FRS2: variants seen among roughly 807,000 people sequenced by gnomAD.
The protein encoded by FRS2 is FGFR signalling adaptor.
In FRS2, 8 loss-of-function variants were observed where a neutral mutation model predicts 43.9. The ratio of observed to expected loss-of-function variants is 0.18; its 90% CI spans 0.11 to 0.33. FRS2 has a LOEUF of 0.33. Ranked by LOEUF, FRS2 falls within the 10% of genes least tolerant of loss-of-function variation. The pLI is 1.00. For synonymous variants in FRS2, 219 were observed against 220.3 expected (o/e 0.99, Z 0.05); for missense variants, 534 against 627.6 (o/e 0.85, Z 1.59).
In FRS2 at chr12:69,570,467, A is replaced by G; in HGVS notation, c.203A>G (p.Asp68Gly). 1 of 1,613,280 alleles carries G rather than the reference A, an allele frequency of 6.2e-7. No homozygotes were observed. The highest frequency in any genetic ancestry group is 8.5e-7 in the Non-Finnish European group (1 of 1,179,224). Residue 68 changes from aspartate to glycine, a missense_variant, in exon 6 of 9, where the codon GAC (aspartate) becomes GGC (glycine). Coordinates refer to ENST00000549921, the MANE Select transcript of FRS2 (RefSeq NM_001278356.2). ...CTCTGCCTGCGACGCTATGGCTATG[A>G]CTCGAATCTCTTTTCTTTTGAAAGT... ...HYLCLRRYGY[D>G]SNLFSFESGR...
chr12:69,570,525 CTTTG>C lies in FRS2; in HGVS notation c.253+12_253+15del. On this transcript the variant is annotated intron_variant, in intron 6 of 8. Transcript: ENST00000549921. ...GGTGTCAAACTGGACAAGGTAGAAC[CTTTG>C]TTTTTTTTCCCAAATATTGTATTTG... 1 of 1,562,650 alleles carries C rather than the reference CTTTG, an allele frequency of 6.4e-7. No homozygotes were observed.
chr12:69,488,421 G>T (rs569240521), intron 1 of FRS2, among the ~76,000 whole-genome samples: 1 of 152,136 alleles, frequency 6.6e-6, no homozygotes, highest in Non-Finnish European at 1.5e-5. Context: ...TAGTAATAAA[G>T]TATTTTAAAA....
At chr12:69,538,854 G>A (rs140869664) in intron 3 of FRS2, among the ~76,000 whole-genome samples, 176 of 151,872 alleles carry the variant, frequency 1.2e-3, no homozygotes, top group African/African-American at 3.9e-3. Flanking sequence ...CTTCATAGTC[G>A]TAGTCTATTC....
chr12:69,496,174 C>T (rs749487664), intron 1 of FRS2, among the ~76,000 whole-genome samples: 11 of 152,062 alleles, frequency 7.2e-5, no homozygotes, highest in Non-Finnish European at 1.0e-4. Context: ...TGGGGGCTCA[C>T]GCCTGTAATC....
chr12:69,574,750 T>C lies in FRS2; in HGVS notation c.1322T>C (p.Leu441Ser), dbSNP rs937809321. 1 of 1,614,162 alleles carries C rather than the reference T, an allele frequency of 6.2e-7. No individual in the cohort carries two copies. The stretch of plus-strand genomic sequence containing the variant: ...CAGCTTAATTACATACAGGTTGACT[T>C]GGAAGGTGGCAGTGACTCTGACAAC... ...HRQLNYIQVD[L>S]EGGSDSDNPQ... The change falls in exon 9 of 9, where the codon TTG becomes TCG. Residue 441 changes from leucine (L) to serine (S), a missense_variant. Physicochemically the swap from Leu to Ser is moderately radical, Grantham distance 145. This residue lies in a region of FRS2 where 446 missense variants were observed against 494.2 expected (regional missense o/e 0.90). Transcript: ENST00000549921.
At chr12:69,524,339 T>A (rs551162481) in intron 1 of FRS2, among the ~76,000 whole-genome samples, 24 of 150,734 alleles carry the variant, frequency 1.6e-4, no homozygotes, top group African/African-American at 5.4e-4. Context: ...GCTGGCAAAG[T>A]GATGTGAGGG....
At chr12:69,557,594 T>TTGTGTGTGTGTGCGTGTGTG (rs796386936) in intron 3 of FRS2, among the ~76,000 whole-genome samples, 10 of 137,078 alleles carry the variant, frequency 7.3e-5, no homozygotes, top group African/African-American at 2.5e-4. Flanking sequence ...TGAAGGTTGA[T>TTGTGTGTGTGTGCGTGTGTG]TGTGTGTGTG....
intron 1 of FRS2, among the ~76,000 whole-genome samples, chr12:69,472,894 T>A (rs1171848488): frequency 1.3e-5 from 2 of 152,248 alleles, no homozygotes. Context: ...AAAAGCGCTA[T>A]ACTAGGCATT....
intron 1 of FRS2, among the ~76,000 whole-genome samples, chr12:69,494,506 C>T (rs1174876543): frequency 6.6e-6 from 1 of 152,194 alleles, no homozygotes; most frequent in Admixed American, 6.5e-5. Context: ...TAACTCAGTT[C>T]TTTCTTTTAA....
intron 3 of FRS2, among the ~76,000 whole-genome samples, chr12:69,540,197 G>C (rs1877753829): frequency 6.6e-6 from 1 of 151,874 alleles, no homozygotes; most frequent in Admixed American, 6.6e-5. Flanking sequence ...AGCTTGCAGT[G>C]AGCCGAGATG....
chr12:69,544,661 C>G (rs1008026121), intron 3 of FRS2, among the ~76,000 whole-genome samples: 37 of 152,004 alleles, frequency 2.4e-4, no homozygotes, highest in African/African-American at 8.7e-4. Context: ...GAGCCGAGAT[C>G]ATGCCACTGC....
chr12:69,514,355 T>G (rs1874766872), intron 1 of FRS2, among the ~76,000 whole-genome samples: 1 of 152,152 alleles, frequency 6.6e-6, no homozygotes, highest in Non-Finnish European at 1.5e-5. Context: ...CTCTAAATGC[T>G]GCCACCTCTG....
intron 3 of FRS2, among the ~76,000 whole-genome samples, chr12:69,557,593 A>ATT (rs146761960): frequency 0.4 from 46,700 of 115,328 alleles, 8,109 homozygotes; most frequent in African/African-American, 0.52. Context: ...CTGAAGGTTG[A>ATT]TTGTGTGTGT....
At chr12:69,518,992 G>A (rs1338270338) in intron 1 of FRS2, among the ~76,000 whole-genome samples, 4 of 122,156 alleles carry the variant, frequency 3.3e-5, no homozygotes, top group Admixed American at 8.9e-5. Context: ...ACAAAACTCC[G>A]TCTCAAAAAA....
At chr12:69,528,519 G>T (rs1049789858) in intron 1 of FRS2, among the ~76,000 whole-genome samples, 1 of 152,022 alleles carries the variant, frequency 6.6e-6, no homozygotes, top group African/African-American at 2.4e-5. Context: ...TAGAGTTATG[G>T]TACAGATGAT....
intron 3 of FRS2, among the ~76,000 whole-genome samples, chr12:69,551,347 T>C (rs1319062144): frequency 6.7e-6 from 1 of 150,044 alleles, no homozygotes; most frequent in Non-Finnish European, 1.5e-5. Flanking sequence ...AGCGAGACCC[T>C]GTCTCAAAAC....
intron 3 of FRS2, among the ~76,000 whole-genome samples, chr12:69,549,478 A>G (rs1878687725): frequency 6.6e-6 from 1 of 152,140 alleles, no homozygotes; most frequent in African/African-American, 2.4e-5. Context: ...TGTTGTGGTT[A>G]ATTTTGCGTA....
intron 3 of FRS2, among the ~76,000 whole-genome samples, chr12:69,548,422 ATTAATC>A (rs1399078804): frequency 1.3e-5 from 2 of 152,216 alleles, no homozygotes; most frequent in East Asian, 3.8e-4. Flanking sequence ...ATTTTTGGAT[ATTAATC>A]TTAATGAAAT....
At chr12:69,502,651 G>A (rs997167266) in intron 1 of FRS2, among the ~76,000 whole-genome samples, 39 of 152,110 alleles carry the variant, frequency 2.6e-4, no homozygotes, top group African/African-American at 8.7e-4. Context: ...ATCTCTGTAC[G>A]GATGGAGCTT....
Sources: allele counts gnomAD v4.1 joint callset (sites outside exome capture counted in the v4.1 genomes callset), GRCh38; gene constraint gnomAD v4.1.1; regional missense constraint gnomAD v4.1.1; transcripts MANE v1.5; gene names NCBI Gene and HGNC (gene_info 2026-07-23, HGNC 2026-07-21).